The following RNGTT variants were observed in gnomAD, a reference collection of about 807,000 sequenced individuals.
RNGTT encodes mRNA-capping enzyme.
In RNGTT, 33 loss-of-function variants were observed where a neutral mutation model predicts 79.3. That is an observed-to-expected ratio of 0.42 (90% CI 0.32 to 0.56). RNGTT has a LOEUF of 0.56. Ranked by LOEUF, RNGTT falls within the 20% of genes least tolerant of loss-of-function variation. The probability of loss-of-function intolerance (pLI) is 0.17; values close to 1 mark genes in which losing one functional copy is unlikely to be tolerated. For missense variants in RNGTT, 497 were observed against 739.1 expected (o/e 0.67, Z 3.80); for synonymous variants, 222 against 235.9 (o/e 0.94, Z 0.54).
chr6:88,939,553 T>C (rs1028815651), intron 2 of RNGTT, among the ~76,000 whole-genome samples: 18 of 152,164 alleles, frequency 1.2e-4, no homozygotes, highest in Non-Finnish European at 2.1e-4. Flanking sequence ...TTCAGTATTC[T>C]CTTCTTTCTT....
chr6:88,620,927 T>G (rs79250891), intron 14 of RNGTT, among the ~76,000 whole-genome samples: 4,574 of 152,292 alleles, frequency 0.03, 233 homozygotes, highest in African/African-American at 0.1. Flanking sequence ...AATCAAGGTG[T>G]AACAGGACAT....
intron 4 of RNGTT, among the ~76,000 whole-genome samples, chr6:88,917,863 G>A (rs1784047695): frequency 6.6e-6 from 1 of 152,156 alleles, no homozygotes; most frequent in Non-Finnish European, 1.5e-5. Flanking sequence ...CTCTAGCCTG[G>A]GCGACAGAGC....
At chr6:88,795,377 C>T (rs772641251) in intron 12 of RNGTT, among the ~76,000 whole-genome samples, 7 of 152,112 alleles carry the variant, frequency 4.6e-5, no homozygotes, top group Non-Finnish European at 5.9e-5. Flanking sequence ...AACTGAAGTC[C>T]GGAATCAAGA....
At chr6:88,662,609 C>T (rs1774229894) in intron 14 of RNGTT, among the ~76,000 whole-genome samples, 1 of 152,220 alleles carries the variant, frequency 6.6e-6, no homozygotes. Flanking sequence ...GGTTCCCTGA[C>T]CTGGAAGCGA....
intron 14 of RNGTT, among the ~76,000 whole-genome samples, chr6:88,646,735 T>C (rs1188686569): frequency 6.6e-6 from 1 of 151,518 alleles, no homozygotes; most frequent in East Asian, 1.9e-4. Context: ...CAGCAAACTA[T>C]CACAAGGACA....
chr6:88,644,215 T>C (rs1201464619), intron 14 of RNGTT, among the ~76,000 whole-genome samples: 1 of 152,196 alleles, frequency 6.6e-6, no homozygotes, highest in Non-Finnish European at 1.5e-5. Flanking sequence ...CAGAAAATAC[T>C]ATAAATACCT....
In RNGTT at chr6:88,770,268, T is replaced by C. The variant is rs1415727111; in HGVS notation, c.1339-394A>G. ...AGTTACGTAACCATGACCAAAATCA[T>C]GATATTGAACATTTCAAGGATGTGA... is the stretch of plus-strand genomic sequence containing the variant. On this transcript the variant is annotated intron_variant, in intron 12 of 15. Coordinates refer to ENST00000369485, the MANE Select transcript of RNGTT (RefSeq NM_003800.5). Among the ~76,000 whole-genome samples the C allele has an allele frequency of 3.3e-5, 5 of 152,158 alleles. No homozygotes were observed. In the South Asian group the frequency reaches 1.0e-3, roughly 32 times the overall value.
chr6:88,726,350 T>C (rs1295913039), intron 13 of RNGTT, among the ~76,000 whole-genome samples: 6 of 141,210 alleles, frequency 4.2e-5, no homozygotes, highest in African/African-American at 1.7e-4. Flanking sequence ...GGAAACCTCA[T>C]TGTGAGCACA....
At position 88,611,145 on chromosome 6, in the gene RNGTT, G is replaced by C. The variant is rs1197080505; in HGVS notation, c.*1574C>G. 1 of 152,312 alleles carries C rather than the reference G, an allele frequency of 6.6e-6. No homozygotes were observed. Among genetic ancestry groups the C allele is most frequent in the African/African-American group, 2.4e-5 (1 of 41,422 alleles). 9.4% of individuals were successfully genotyped at this position (152,312 alleles called of 1,614,324 possible). A position where few individuals can be genotyped will look rare whatever the true frequency, so the allele number is the denominator to read the frequency against. On this transcript the variant is annotated 3_prime_UTR_variant, in exon 16 of 16. Coordinates refer to ENST00000369485, the MANE Select transcript of RNGTT (RefSeq NM_003800.5). ...TGACTTGGGAACAACGAAGAAAAAA[G>C]CCCAAGCTTGACTCAACTATTTCAT...
intron 14 of RNGTT, among the ~76,000 whole-genome samples, chr6:88,629,212 C>T (rs999550165): frequency 7.2e-5 from 11 of 152,052 alleles, no homozygotes; most frequent in Admixed American, 1.3e-4. Context: ...AAGTGCAATT[C>T]GGTTGAGTAA....
chr6:88,939,289 A>G (rs1279623965), intron 2 of RNGTT, among the ~76,000 whole-genome samples: 2 of 152,120 alleles, frequency 1.3e-5, no homozygotes, highest in South Asian at 4.1e-4. Flanking sequence ...GGCTTTGCTC[A>G]TTCTTTTTTA....
intron 8 of RNGTT, among the ~76,000 whole-genome samples, chr6:88,855,509 A>AAG (rs1781815984): frequency 6.6e-6 from 1 of 151,942 alleles, no homozygotes; most frequent in African/African-American, 2.4e-5. Context: ...AAAAAAAAAA[A>AAG]AAGTGAAAAA....
intron 11 of RNGTT, among the ~76,000 whole-genome samples, chr6:88,802,709 C>A (rs1192374621): frequency 1.3e-5 from 2 of 152,128 alleles, no homozygotes; most frequent in Non-Finnish European, 2.9e-5. Context: ...TCTTACATGG[C>A]AGCAGGCAAG....
intron 14 of RNGTT, among the ~76,000 whole-genome samples, chr6:88,647,634 C>A (rs1367263756): frequency 1.4e-5 from 2 of 147,866 alleles, no homozygotes; most frequent in African/African-American, 5.2e-5. Flanking sequence ...ATCACTTGAG[C>A]CTGAAAGTTT....
chr6:88,671,799 C>A (rs1468398173), intron 14 of RNGTT, among the ~76,000 whole-genome samples: 1 of 152,226 alleles, frequency 6.6e-6, no homozygotes, highest in East Asian at 1.9e-4. Flanking sequence ...GAAATAACGC[C>A]ACATACTTAC....
At chr6:88,885,043 GA>G (rs201517667) in intron 8 of RNGTT, among the ~76,000 whole-genome samples, 5 of 148,818 alleles carry the variant, frequency 3.4e-5, no homozygotes, top group African/African-American at 1.2e-4. Flanking sequence ...TCGTGATTTT[GA>G]AAAAAAAATG....
intron 1 of RNGTT, among the ~76,000 whole-genome samples, chr6:88,943,158 T>A (rs1438310591): frequency 6.6e-6 from 1 of 152,202 alleles, no homozygotes; most frequent in African/African-American, 2.4e-5. Flanking sequence ...AATCACTCCC[T>A]TAACTCTAGA....
chr6:88,842,757 T>C (rs1473409524), intron 11 of RNGTT, among the ~76,000 whole-genome samples: 2 of 152,108 alleles, frequency 1.3e-5, no homozygotes, highest in African/African-American at 2.4e-5. Context: ...AGAAATATTC[T>C]GCCAAATTTA....
chr6:88,766,950 A>G (rs1778482098), intron 13 of RNGTT, among the ~76,000 whole-genome samples: 1 of 152,134 alleles, frequency 6.6e-6, no homozygotes, highest in Admixed American at 6.5e-5. Flanking sequence ...TAGTATAGAC[A>G]TATTTCTTAC....
Sources: allele counts gnomAD v4.1 joint callset (sites outside exome capture counted in the v4.1 genomes callset), GRCh38; gene constraint gnomAD v4.1.1; transcripts MANE v1.5; gene names NCBI Gene and HGNC (gene_info 2026-07-23, HGNC 2026-07-21).